FLNC: variants seen among roughly 807,000 people sequenced by gnomAD.
FLNC encodes the protein filamin C.
FLNC carries 91 observed loss-of-function variants against 254.3 expected under a neutral mutation model. The observed-to-expected ratio is 0.36, with a 90% CI of 0.30 to 0.43. The LOEUF is 0.43. FLNC is among the 20% of genes least tolerant of loss of function. FLNC has a pLI of 1.00. For missense variants in FLNC, 2,853 were observed against 3,802.6 expected (o/e 0.75, Z 6.57); for synonymous variants, 1,430 against 1,577.2 (o/e 0.91, Z 2.21).
In FLNC at chr7:128,857,398, G is replaced by A. The variant is rs1348300113; in HGVS notation, c.7780+62G>A. 3.7e-5 allele frequency: 42 copies of A among 1,122,378 alleles called. No homozygotes were observed. In the African/African-American group the frequency reaches 3.8e-4, roughly 10 times the overall value. 69.5% of individuals were successfully genotyped at this position (1,122,378 alleles called of 1,614,324 possible). A position where few individuals can be genotyped will look rare whatever the true frequency, so the allele number is the denominator to read the frequency against. ...AGCCCAGCCCAGCCTGGAGGGCTCC[G>A]GTGGCCACGCACATCTAGGCCATAG... is the stretch of plus-strand genomic sequence containing the variant. On this transcript the variant is annotated intron_variant, in intron 46 of 47. Coordinates refer to ENST00000325888, the MANE Select transcript of FLNC (RefSeq NM_001458.5). The surrounding 1 kb of genome is among the most constrained non-coding windows in gnomAD (Gnocchi z 4.5).
chr7:128,843,319 G>A lies in FLNC; in HGVS notation c.2641G>A (p.Gly881Ser). 3 of 1,613,222 alleles carry A rather than the reference G, an allele frequency of 1.9e-6. No individual in the cohort carries two copies. Among genetic ancestry groups the A allele is most frequent in the Non-Finnish European group, 2.5e-6 (3 of 1,179,612 alleles). The stretch of plus-strand genomic sequence containing the variant: ...CGAGGGCCCTGGGCTGAATCGCACA[G>A]GTGAGTGTCTGGGCAGGGGCTGGGA... ...KAEGPGLNRT[G>S]VEVGKPTHFT... The change falls in exon 17 of 48, where the codon GGT (glycine) becomes AGT (serine). Residue 881 changes from glycine to serine, a missense_variant and splice_region_variant. Coordinates refer to ENST00000325888, the MANE Select transcript of FLNC (RefSeq NM_001458.5).
chr7:128,830,412 C>A lies in FLNC; in HGVS notation c.-226C>A, dbSNP rs2739864. The A allele has an allele frequency of 1.7e-6, 1 of 573,220 alleles. No homozygotes were observed. Among genetic ancestry groups the A allele is most frequent in the Non-Finnish European group, 3.1e-6 (1 of 327,498 alleles). The allele number at this position is 573,220 out of a possible 1,614,324, so 35.5% of individuals were successfully genotyped here. On this transcript the variant is annotated 5_prime_UTR_variant, in exon 1 of 48. Coordinates refer to ENST00000325888, the MANE Select transcript of FLNC (RefSeq NM_001458.5). ...CCCCGCCCCGGCCCAGCCCGCCCTT[C>A]CCGAGCACCGCTCCGGCCCTGGAGG...
rs10268251 is a variant in FLNC at position 128,854,203 on chromosome 7, C to T, written c.6714C>T (p.Thr2238=). The change falls in exon 40 of 48, where the codon ACC becomes ACT. Residue 2238 remains threonine (T), a synonymous_variant. Transcript: ENST00000325888. The stretch of plus-strand genomic sequence containing the variant: ...GCCTGGGATCCTTCGGCAGCATCAC[C>T]CGGCAGCAGGAGGGTGAGCACCGCA... ...RERLGSFGSI[T]RQQEGEASSQ... The T allele has an allele frequency of 2.4e-4, 387 of 1,607,628 alleles. 1 individual carries two copies. In the African/African-American group the frequency reaches 4.8e-3, roughly 20 times the overall value.
At chr7:128,839,266 C>A (rs1171789397) in intron 8 of FLNC, among the ~76,000 whole-genome samples, 1 of 152,228 alleles carries the variant, frequency 6.6e-6, no homozygotes, top group African/African-American at 2.4e-5. Context: ...CATTCTGTGG[C>A]AGGCCCCAGG....
rs775383465 is a variant in FLNC, at chr7:128,846,354, T to G, written c.4018T>G (p.Phe1340Val). Reference sequence around the variant, plus strand: ...TGAGGTCGCTGTGCCCAAGAGCCCCTTCCGAGTGGGCGTGACCGAGGGCTG... The same window carrying G: ...TGAGGTCGCTGTGCCCAAGAGCCCCGTCCGAGTGGGCGTGACCGAGGGCTG... ...YDEVAVPKSP[F>V]RVGVTEGCDP... Residue 1340 changes from phenylalanine to valine, a missense_variant, in exon 23 of 48, where the codon TTC becomes GTC. Around this residue, in one of 10 missense-constraint regions of FLNC, gnomAD observed 1,573 missense variants for 1,883.5 expected, o/e 0.84. Coordinates refer to ENST00000325888, the MANE Select transcript of FLNC (RefSeq NM_001458.5). 1 of 1,613,584 alleles carries G rather than the reference T, an allele frequency of 6.2e-7. No homozygotes were observed. Among genetic ancestry groups the G allele is most frequent in the Admixed American group, 1.7e-5 (1 of 60,024 alleles).
At chr7:128,849,229 T>C in intron 29 of FLNC, 25 bp downstream of exon 29, 3 of 1,614,144 alleles carry the variant, frequency 1.9e-6, no homozygotes, top group Non-Finnish European at 2.5e-6. Flanking sequence ...TCTCCTCTTC[T>C]TGGTGTGGGC....
rs2128935385 is a variant in FLNC, at chr7:128,841,599, C to G, written c.2121+32C>G. ...CATTGTCCAGTCTCTGCTGCCCTTA[C>G]TACCCATGGCAGGGACCCTGGAAGG... On this transcript the variant is annotated intron_variant, in intron 13 of 47. Transcript: ENST00000325888. This position sits in a 1 kb window ranked among gnomAD's most constrained non-coding sequence, Gnocchi z 4.3. 1 of 1,538,398 alleles carries G rather than the reference C, an allele frequency of 6.5e-7. No homozygotes were observed. Among genetic ancestry groups the G allele is most frequent in the East Asian group, 2.2e-5 (1 of 44,494 alleles).
In FLNC at chr7:128,853,603, G is replaced by T; in HGVS notation, c.6343G>T (p.Ala2115Ser). 1 of 1,614,170 alleles carries T rather than the reference G, an allele frequency of 6.2e-7. No individual in the cohort carries two copies. Among genetic ancestry groups the T allele is most frequent in the African/African-American group, 1.3e-5 (1 of 75,064 alleles). Reference protein sequence around the residue: ...PGTYIINIKFADKHVPGSPFT... With the variant: ...PGTYIINIKFSDKHVPGSPFT... ...CACCTACATCATCAACATCAAGTTT[G>T]CTGACAAGCACGTGCCTGGTAAGGC... The change falls in exon 38 of 48, where the codon GCT (alanine) becomes TCT (serine). Residue 2115 changes from alanine (A) to serine (S), a missense_variant. Around this residue, in one of 10 missense-constraint regions of FLNC, gnomAD observed 551 missense variants for 835.0 expected, o/e 0.66. Coordinates refer to ENST00000325888, the MANE Select transcript of FLNC (RefSeq NM_001458.5).
chr7:128,850,043 C>A lies in FLNC; in HGVS notation c.5267C>A (p.Pro1756His). Reference protein sequence around the residue: ...EVPQLRQPYAPPRPGARPTHW... With the variant: ...EVPQLRQPYAHPRPGARPTHW... ...CCACAGCTGCGCCAGCCCTACGCTC[C>A]TCCCCGGCCCGGCGCCCGCCCCACA... Residue 1756 changes from proline (P) to histidine (H), a missense_variant, in exon 31 of 48, where the codon CCT (proline) becomes CAT (histidine). Physicochemically the swap from Pro to His is moderately conservative, Grantham distance 77. Coordinates refer to ENST00000325888, the MANE Select transcript of FLNC (RefSeq NM_001458.5). The A allele has an allele frequency of 6.5e-7, 1 of 1,549,750 alleles. No homozygotes were observed. The highest frequency in any genetic ancestry group is 1.9e-5 in the Admixed American group (1 of 52,248).
Position 128,856,959 on chromosome 7 carries a change from G to A in FLNC, c.7561+38G>A, listed in dbSNP as rs753620915. 5 of 1,609,182 alleles carry A rather than the reference G, an allele frequency of 3.1e-6. No individual in the cohort carries two copies. Among genetic ancestry groups the A allele is most frequent in the Non-Finnish European group, 4.2e-6 (5 of 1,176,624 alleles). The stretch of plus-strand genomic sequence containing the variant: ...AGCTGGGGAACAGGGTGACTTCTGG[G>A]GGTGCTTGGCCACTAGTCTGGTGCT... On this transcript the variant is annotated intron_variant, in intron 45 of 47. Transcript: ENST00000325888. The surrounding 1 kb of genome is among the most constrained non-coding windows in gnomAD (Gnocchi z 5.9).
chr7:128,853,344 T>G, intron 37 of FLNC, 125 bp from the exon 38 acceptor site: 1 of 1,261,764 alleles, frequency 7.9e-7, no homozygotes, highest in Non-Finnish European at 1.1e-6. Context: ...ACTGAGCCAT[T>G]TTTGTTAGTG....
chr7:128,854,061 C>T lies in FLNC; in HGVS notation c.6572C>T (p.Thr2191Met), dbSNP rs768329311. The change falls in exon 40 of 48, where the codon ACG (threonine) becomes ATG (methionine). Residue 2191 changes from threonine (T) to methionine (M), a missense_variant. Coordinates refer to ENST00000325888, the MANE Select transcript of FLNC (RefSeq NM_001458.5). ...CACACCTACACCCGCACGGAGCGCA[C>T]GGAGATCAGCAAGACGCGGGGCGGG... Reference protein sequence around the residue: ...SSHTYTRTERTEISKTRGGET... With the variant: ...SSHTYTRTERMEISKTRGGET... 21 of 1,613,122 alleles carry T rather than the reference C, an allele frequency of 1.3e-5. No individual in the cohort carries two copies. In the East Asian group the frequency reaches 2.0e-4, roughly 15 times the overall value.
In FLNC at chr7:128,835,442, C is replaced by G. The variant is rs759739899; in HGVS notation, c.469C>G (p.Arg157Gly). The change falls in exon 2 of 48, where the codon CGC becomes GGC. Residue 157 changes from arginine to glycine, a missense_variant. By Grantham distance (125) the Arg-to-Gly change is moderately radical (BLOSUM62 -2). Around this residue, in one of 10 missense-constraint regions of FLNC, gnomAD observed 115 missense variants for 230.3 expected, o/e 0.50. Transcript: ENST00000325888. The surrounding 1 kb of genome is among the most constrained non-coding windows in gnomAD (Gnocchi z 5.3). ...MWEDEDDEDA[R>G]KQTPKQRLLG... ...GGAGGATGAAGATGATGAGGATGCC[C>G]GCAAACAGACGCCCAAGCAGCGGCT... 33 of 1,613,930 alleles carry G rather than the reference C, an allele frequency of 2.0e-5. No homozygotes were observed. The highest frequency in any genetic ancestry group is 7.7e-5 in the South Asian group (7 of 91,088).
In FLNC at chr7:128,837,662, G is replaced by A. The variant is rs1808152888; in HGVS notation, c.876G>A (p.Val292=). 5 of 1,612,302 alleles carry A rather than the reference G, an allele frequency of 3.1e-6. No individual in the cohort carries two copies. The South Asian group carries it at 5.5e-5, about 18-fold the overall frequency. Residue 292 remains valine (V), a synonymous_variant, in exon 5 of 48, where the codon GTG becomes GTA. Coordinates refer to ENST00000325888, the MANE Select transcript of FLNC (RefSeq NM_001458.5). ...GPGIEPQGNT[V]LQPAHFTVQT... ...GCATCGAGCCACAGGGCAACACCGT[G>A]CTGCAGCCTGCCCACTTCACCGTGC...
Position 128,842,920 on chromosome 7 carries a change from G to A in FLNC, c.2516G>A (p.Gly839Asp), listed in dbSNP as rs940353148. The stretch of plus-strand genomic sequence containing the variant: ...GTCAAGTACACGCCACCAGGGGCGG[G>A]CCGCTACACCATCATGGTGCTGTTT... Reference protein sequence around the residue: ...FTVKYTPPGAGRYTIMVLFAN... With the variant: ...FTVKYTPPGADRYTIMVLFAN... Residue 839 changes from glycine to aspartate, a missense_variant, in exon 16 of 48, where the codon GGC becomes GAC. Around this residue, in one of 10 missense-constraint regions of FLNC, gnomAD observed 1,573 missense variants for 1,883.5 expected, o/e 0.84. Transcript: ENST00000325888. This position sits in a 1 kb window ranked among gnomAD's most constrained non-coding sequence, Gnocchi z 5.4. The A allele has an allele frequency of 1.2e-5, 20 of 1,613,914 alleles. No individual in the cohort carries two copies. The highest frequency in any genetic ancestry group is 1.7e-5 in the Non-Finnish European group (20 of 1,180,034).
intron 8 of FLNC, among the ~76,000 whole-genome samples, chr7:128,839,257 A>G (rs1313688766): frequency 6.6e-6 from 1 of 152,082 alleles, no homozygotes; most frequent in Non-Finnish European, 1.5e-5. Context: ...CTTCCTTGGC[A>G]TTCTGTGGCA....
Position 128,842,569 on chromosome 7 carries a change from C to T in FLNC, c.2266-6C>T. 2 of 1,549,092 alleles carry T rather than the reference C, an allele frequency of 1.3e-6. No individual in the cohort carries two copies. The highest frequency in any genetic ancestry group is 1.7e-6 in the Non-Finnish European group (2 of 1,146,876). ...GCACCACGCTGAGCTGCGACCCCTC[C>T]CGCAGGTGAACGTGGGCGAGGGCAG... On this transcript the variant is annotated splice_region_variant and splice_polypyrimidine_tract_variant and intron_variant, in intron 14 of 47. Coordinates refer to ENST00000325888, the MANE Select transcript of FLNC (RefSeq NM_001458.5). The surrounding 1 kb of genome is among the most constrained non-coding windows in gnomAD (Gnocchi z 5.4).
At chr7:128,855,147 C>T (rs1178784178) in intron 42 of FLNC, 52 bp from the exon 43 acceptor site, 13 of 1,346,180 alleles carry the variant, frequency 9.7e-6, no homozygotes, top group South Asian at 3.5e-5. Context: ...GGGAGGCTCC[C>T]GCCCTGCCAA....
rs1260473346 is a variant in FLNC, at chr7:128,842,114, T to C, written c.2122-117T>C. 1 of 1,052,446 alleles carries C rather than the reference T, an allele frequency of 9.5e-7. No individual in the cohort carries two copies. The allele number at this position is 1,052,446 out of a possible 1,614,324, so 65.2% of individuals were successfully genotyped here. A position where few individuals can be genotyped will look rare whatever the true frequency, so the allele number is the denominator to read the frequency against. ...GCTCTGGTGGCCTCAGTGGCTGGTGTGGGGGCGGGAGTGCCAGTGTTGGGG... is the reference window on the plus strand; with the variant it reads ...GCTCTGGTGGCCTCAGTGGCTGGTGCGGGGGCGGGAGTGCCAGTGTTGGGG... On this transcript the variant is annotated intron_variant, in intron 13 of 47. Coordinates refer to ENST00000325888, the MANE Select transcript of FLNC (RefSeq NM_001458.5). The surrounding 1 kb of genome is among the most constrained non-coding windows in gnomAD (Gnocchi z 5.4).
Sources: gnomAD v4.1 joint callset for allele counts (sites outside exome capture counted in the v4.1 genomes callset) on GRCh38, gnomAD v4.1.1 for gene constraint, gnomAD v4.1.1 regional missense constraint, Gnocchi (gnomAD v3.1) non-coding constraint, MANE v1.5 for transcripts, NCBI Gene and HGNC (gene_info 2026-07-23, HGNC 2026-07-21) for gene names.